Variants in SDK1 observed in about 807,000 individuals in gnomAD.
SDK1 encodes the protein sidekick cell adhesion molecule 1, also known as protein sidekick-1.
SDK1 carries 157 observed loss-of-function variants against 245.5 expected under a neutral mutation model. The observed-to-expected ratio is 0.64, with a 90% CI of 0.56 to 0.73. The LOEUF (loss-of-function observed/expected upper bound fraction) is 0.73. SDK1 is among the 30% of genes least tolerant of loss of function. SDK1 has a pLI of 0.00. For missense variants in SDK1, 3,583 were observed against 3,002.3 expected (o/e 1.19, Z -4.52); for synonymous variants, 1,647 against 1,278.5 (o/e 1.29, Z -6.15).
intron 1 of SDK1, among the ~76,000 whole-genome samples, chr7:3,429,245 T>A (rs1288428728): frequency 8.0e-6 from 1 of 125,398 alleles, no homozygotes; most frequent in Non-Finnish European, 1.7e-5. Context: ...GATAAAAGGC[T>A]TTTTTTAAGT....
At chr7:3,912,701 T>C (rs1333336638) in intron 5 of SDK1, among the ~76,000 whole-genome samples, 1 of 152,208 alleles carries the variant, frequency 6.6e-6, no homozygotes, top group Non-Finnish European at 1.5e-5. Context: ...CATTTACTTA[T>C]CATTCTCCTC....
Position 3,430,858 on chromosome 7 carries a change from G to A in SDK1, c.298+128974G>A, listed in dbSNP as rs950106764. ...GCCTGCAGAGCTGTGTCACTCACTT[G>A]TATTCAGCTTTCCTGCCTCTGGCTC... On this transcript the variant is annotated intron_variant, in intron 1 of 44. Coordinates refer to ENST00000404826, the MANE Select transcript of SDK1 (RefSeq NM_152744.4). Among the ~76,000 whole-genome samples, 24 of 152,274 alleles carry A rather than the reference G, an allele frequency of 1.6e-4. 1 individual carries two copies. The highest frequency in any genetic ancestry group is 3.4e-3 in the Middle Eastern group (1 of 294).
Position 3,425,996 on chromosome 7 carries a change from C to T in SDK1, c.298+124112C>T, listed in dbSNP as rs181361391. ...AAGATTTTTAATCTGTAAATGGCAA[C>T]TTATACATGGAAGGATTATAAAATA... is the stretch of plus-strand genomic sequence containing the variant. On this transcript the variant is annotated intron_variant, in intron 1 of 44. Coordinates refer to ENST00000404826, the MANE Select transcript of SDK1 (RefSeq NM_152744.4). 1.3e-4 allele frequency among the ~76,000 whole-genome samples: 20 copies of T among 152,344 alleles called. No individual in the cohort carries two copies. The East Asian group carries it at 3.5e-3, about 26-fold the overall frequency.
chr7:4,170,355 G>C (rs1781760350), intron 32 of SDK1, among the ~76,000 whole-genome samples: 1 of 152,140 alleles, frequency 6.6e-6, no homozygotes, highest in Non-Finnish European at 1.5e-5. Flanking sequence ...GCTGAGGCAG[G>C]AGGATCGCTT....
chr7:3,357,445 G>A (rs756294852), intron 1 of SDK1, among the ~76,000 whole-genome samples: 2 of 139,830 alleles, frequency 1.4e-5, no homozygotes, highest in Admixed American at 7.9e-5. Flanking sequence ...AGTCTCCCTG[G>A]GCTCAGGTGA....
chr7:3,704,831 T>G (rs920182646), intron 4 of SDK1, among the ~76,000 whole-genome samples: 2 of 152,224 alleles, frequency 1.3e-5, no homozygotes, highest in African/African-American at 4.8e-5. Flanking sequence ...GGTCTTAGAT[T>G]TAAGTCTTTC....
chr7:3,945,665 G>A (rs144581900), intron 5 of SDK1, among the ~76,000 whole-genome samples: 100 of 152,140 alleles, frequency 6.6e-4, no homozygotes, highest in African/African-American at 2.3e-3. Flanking sequence ...GGAGGCCAAG[G>A]CAGGCGGATC....
chr7:3,970,770 A>G (rs911370103), intron 11 of SDK1, among the ~76,000 whole-genome samples: 3 of 152,228 alleles, frequency 2.0e-5, no homozygotes, highest in Non-Finnish European at 4.4e-5. Context: ...CATAGCCAGG[A>G]AAACTAAGAT....
chr7:4,137,451 C>G (rs550520110), intron 28 of SDK1, among the ~76,000 whole-genome samples: 1 of 152,306 alleles, frequency 6.6e-6, no homozygotes, highest in East Asian at 1.9e-4. Context: ...TCTTGTGTCT[C>G]GAGCAGTGGA....
chr7:4,113,623 C>T (rs1783496177), intron 24 of SDK1, among the ~76,000 whole-genome samples, 184 bp downstream of exon 24: 1 of 152,154 alleles, frequency 6.6e-6, no homozygotes, highest in South Asian at 2.1e-4. Context: ...CCCAGGAGAT[C>T]TGATTAATTA....
intron 1 of SDK1, among the ~76,000 whole-genome samples, chr7:3,357,613 G>T (rs1487644165): frequency 6.6e-6 from 1 of 151,796 alleles, no homozygotes; most frequent in African/African-American, 2.4e-5. Context: ...CTCCCGAAGT[G>T]CTGGGATGAC....
intron 1 of SDK1, among the ~76,000 whole-genome samples, chr7:3,374,862 T>TC (rs1173004200): frequency 3.9e-5 from 6 of 152,226 alleles, no homozygotes; most frequent in Admixed American, 6.5e-5. Flanking sequence ...ATGCTTTTTT[T>TC]CCCACAGCAC....
At chr7:3,958,031 A>G (rs1165200896) in intron 7 of SDK1, 1 of 470,410 alleles carries the variant, frequency 2.1e-6, no homozygotes, top group Non-Finnish European at 4.4e-6. Flanking sequence ...TCTCTTTTTC[A>G]TCTTTTAGGT....
intron 1 of SDK1, among the ~76,000 whole-genome samples, chr7:3,499,583 C>G (rs891404980): frequency 6.6e-6 from 1 of 152,176 alleles, no homozygotes; most frequent in Non-Finnish European, 1.5e-5. Context: ...TATGGACTAA[C>G]CACCCCATTG....
At chr7:3,517,410 T>TAG (rs959294160) in intron 1 of SDK1, among the ~76,000 whole-genome samples, 10 of 152,142 alleles carry the variant, frequency 6.6e-5, no homozygotes, top group Non-Finnish European at 1.3e-4. Flanking sequence ...TGTAGAGTAT[T>TAG]AGAGAGAGAG....
At position 4,158,783 on chromosome 7, in the gene SDK1, C is replaced by T. The variant is rs150162372; in HGVS notation, c.4729+232C>T. Among the ~76,000 whole-genome samples, 504 of 152,266 alleles carry T rather than the reference C, an allele frequency of 3.3e-3. 4 individuals carry two copies. Among genetic ancestry groups the T allele is most frequent in the African/African-American group, 0.012 (484 of 41,542 alleles). ...AGTTTCTTTGATTGGCTTCTAAAGCCCCTACTATCCATTAGCATCCCAGAA... is the reference window on the plus strand; with the variant it reads ...AGTTTCTTTGATTGGCTTCTAAAGCTCCTACTATCCATTAGCATCCCAGAA... On this transcript the variant is annotated intron_variant, in intron 31 of 44. Coordinates refer to ENST00000404826, the MANE Select transcript of SDK1 (RefSeq NM_152744.4).
chr7:3,492,349 C>G (rs913207716), intron 1 of SDK1, among the ~76,000 whole-genome samples: 1 of 152,260 alleles, frequency 6.6e-6, no homozygotes. Context: ...AAAAAATTAG[C>G]CAGGCATGGT....
chr7:3,536,722 C>A (rs1359829491), intron 1 of SDK1, among the ~76,000 whole-genome samples: 1 of 151,500 alleles, frequency 6.6e-6, no homozygotes, highest in African/African-American at 2.4e-5. Flanking sequence ...AAAAAACAAA[C>A]CTATGCATTG....
intron 1 of SDK1, among the ~76,000 whole-genome samples, chr7:3,568,641 C>A (rs898434975): frequency 3.3e-5 from 5 of 152,212 alleles, no homozygotes; most frequent in Admixed American, 6.5e-5. Context: ...TCACCAGCCA[C>A]CCATGTTAAA....
Sources: allele counts gnomAD v4.1 joint callset (sites outside exome capture counted in the v4.1 genomes callset), GRCh38; gene constraint gnomAD v4.1.1; transcripts MANE v1.5; gene names NCBI Gene and HGNC (gene_info 2026-07-23, HGNC 2026-07-21).